The following ETHE1 variants were observed in gnomAD, a reference collection of about 807,000 sequenced individuals.
ETHE1 encodes the protein ETHE1 persulfide dioxygenase.
ETHE1 carries 16 observed loss-of-function variants against 25.7 expected under a neutral mutation model. The observed-to-expected ratio is 0.62, with a 90% CI of 0.42 to 0.95. The LOEUF is 0.95. Ranked by LOEUF, ETHE1 falls within the 40% of genes least tolerant of loss-of-function variation. The pLI is 0.00. For synonymous variants in ETHE1, 139 were observed against 135.9 expected, an observed-to-expected ratio of 1.02 and a Z score of -0.16; for missense variants, 300 against 333.6, an observed-to-expected ratio of 0.90 and a Z score of 0.79.
In ETHE1 at chr19:43,526,291, G is replaced by C; in HGVS notation, c.285C>G (p.Leu95=). 2 of 1,614,204 alleles carry C rather than the reference G, an allele frequency of 1.2e-6. No homozygotes were observed. The highest frequency in any genetic ancestry group is 1.7e-6 in the Non-Finnish European group (2 of 1,180,026). ...ITGSGLLRSL[L]PGCQSVISRL... is the part of the protein sequence containing the mutation. Reference sequence around the variant, plus strand: ...GGGAGATGACAGACTGGCAGCCAGGGAGGAGGGAACGGAGCAGCCCCGAGC... The same window carrying C: ...GGGAGATGACAGACTGGCAGCCAGGCAGGAGGGAACGGAGCAGCCCCGAGC... The change falls in exon 3 of 7, where the codon CTC becomes CTG. Residue 95 remains leucine (L), a synonymous_variant. Coordinates refer to ENST00000292147, the MANE Select transcript of ETHE1 (RefSeq NM_014297.5).
chr19:43,517,732 C>T (rs1002577120), intron 3 of ETHE1, among the ~76,000 whole-genome samples: 3 of 150,920 alleles, frequency 2.0e-5, no homozygotes, highest in Admixed American at 6.6e-5. Flanking sequence ...GCTGAGATCA[C>T]GCCACTGCAC....
chr19:43,524,613 G>A (rs1421730746), intron 3 of ETHE1, among the ~76,000 whole-genome samples: 2 of 152,010 alleles, frequency 1.3e-5, no homozygotes, highest in Non-Finnish European at 2.9e-5. Context: ...TATTAAGCCT[G>A]GGCAACATAG....
rs779399320 is a variant in ETHE1, at chr19:43,527,197, G to A, written c.-20C>T. 4 of 1,534,134 alleles carry A rather than the reference G, an allele frequency of 2.6e-6. No individual in the cohort carries two copies. The highest frequency in any genetic ancestry group is 2.1e-4 in the Middle Eastern group (1 of 4,758). ...CGCCATCGCGCCCACTGCGGGGTCA[G>A]GAATGAGCGGAGGCCGAGCGCCTGC... On this transcript the variant is annotated 5_prime_UTR_variant, in exon 1 of 7. Coordinates refer to ENST00000292147, the MANE Select transcript of ETHE1 (RefSeq NM_014297.5).
intron 3 of ETHE1, among the ~76,000 whole-genome samples, chr19:43,517,509 G>A (rs951166429): frequency 1.2e-4 from 18 of 149,652 alleles, no homozygotes; most frequent in East Asian, 8.1e-4. Context: ...AGCCAGGCAC[G>A]GTGGCTCGCC....
chr19:43,522,405 A>G (rs534354462), intron 3 of ETHE1, among the ~76,000 whole-genome samples: 13 of 152,362 alleles, frequency 8.5e-5, no homozygotes, highest in African/African-American at 2.4e-4. Flanking sequence ...AGCTTGGGCA[A>G]TAGAACAAGA....
chr19:43,506,985 C>A (rs1971784218), intron 6 of ETHE1, 83 bp from the exon 7 acceptor site: 7 of 1,449,116 alleles, frequency 4.8e-6, no homozygotes, highest in Non-Finnish European at 6.7e-6. Flanking sequence ...TCCTAGGAAC[C>A]TTTCCTCTTC....
intron 3 of ETHE1, among the ~76,000 whole-genome samples, chr19:43,515,419 A>T (rs1287221409): frequency 1.4e-5 from 2 of 144,668 alleles, no homozygotes; most frequent in Non-Finnish European, 3.1e-5. Flanking sequence ...CTCCGCCTTA[A>T]AAAAAAAAAA....
intron 1 of ETHE1, 57 bp downstream of exon 1, chr19:43,527,040 C>A: frequency 6.5e-7 from 1 of 1,541,762 alleles, no homozygotes; most frequent in East Asian, 2.4e-5. Context: ...CCCCGGAGTT[C>A]CGTCCTTGCT....
chr19:43,521,814 A>G (rs759863718), intron 3 of ETHE1, among the ~76,000 whole-genome samples: 1 of 152,234 alleles, frequency 6.6e-6, no homozygotes, highest in South Asian at 2.1e-4. Context: ...AGTGACCCAG[A>G]AAATCCAGTC....
intron 3 of ETHE1, among the ~76,000 whole-genome samples, chr19:43,525,218 T>C (rs1467701869): frequency 2.0e-5 from 3 of 152,010 alleles, no homozygotes; most frequent in Non-Finnish European, 4.4e-5. Flanking sequence ...TCAAGACATG[T>C]TTGTTAGCAC....
At chr19:43,509,130 T>C (rs1971854735) in intron 4 of ETHE1, among the ~76,000 whole-genome samples, 1 of 152,138 alleles carries the variant, frequency 6.6e-6, no homozygotes, top group South Asian at 2.1e-4. Flanking sequence ...AGAGTGTCAT[T>C]TGTGACCTTG....
chr19:43,512,758 T>C (rs2145987442), intron 3 of ETHE1, among the ~76,000 whole-genome samples: 1 of 145,664 alleles, frequency 6.9e-6, no homozygotes, highest in South Asian at 2.2e-4. Flanking sequence ...AAAAAACCCA[T>C]TTTCTGAGGA....
intron 3 of ETHE1, among the ~76,000 whole-genome samples, chr19:43,521,180 A>G (rs1463331875): frequency 1.3e-5 from 2 of 151,888 alleles, no homozygotes; most frequent in African/African-American, 2.4e-5. Context: ...AAAAACATAA[A>G]ATTTAGCCAG....
chr19:43,518,751 CAAAAAAAA>C (rs34214132), intron 3 of ETHE1, among the ~76,000 whole-genome samples: 15 of 77,606 alleles, frequency 1.9e-4, no homozygotes, highest in African/African-American at 7.5e-4. Flanking sequence ...ACTCTTGTCT[CAAAAAAAA>C]AAAAAAAAAA....
intron 6 of ETHE1, 115 bp from the exon 7 acceptor site, chr19:43,507,017 T>G (rs985427193): frequency 9.3e-7 from 1 of 1,077,940 alleles, no homozygotes; most frequent in Non-Finnish European, 1.4e-6. Context: ...GTTTTGGTCC[T>G]GAGCCCACTC....
chr19:43,514,969 C>A (rs1443509044), intron 3 of ETHE1, among the ~76,000 whole-genome samples: 10 of 152,222 alleles, frequency 6.6e-5, no homozygotes, highest in Middle Eastern at 3.4e-3. Context: ...CATATACATA[C>A]CACACAGTGG....
chr19:43,526,958 A>C lies in ETHE1; in HGVS notation c.81+139T>G, dbSNP rs1031557899. 32 of 1,524,624 alleles carry C rather than the reference A, an allele frequency of 2.1e-5. No individual in the cohort carries two copies. In the East Asian group the frequency reaches 7.6e-4, roughly 36 times the overall value. The allele number at this position is 1,524,624 out of a possible 1,614,324, so 94.4% of individuals were successfully genotyped here. A position where few individuals can be genotyped will look rare whatever the true frequency, so the allele number is the denominator to read the frequency against. On this transcript the variant is annotated intron_variant, in intron 1 of 6. Transcript: ENST00000292147. The stretch of plus-strand genomic sequence containing the variant: ...TCACCTTTAAAGGACCCAAGAGTCC[A>C]GCCCTAAACCTCCACCCCGCTTTCC...
chr19:43,511,333 C>T, intron 4 of ETHE1, 104 bp downstream of exon 4: 2 of 1,559,018 alleles, frequency 1.3e-6, no homozygotes, highest in Non-Finnish European at 8.8e-7. Flanking sequence ...CTGAAGCCCC[C>T]TAAAAGTCTA....
At position 43,527,183 on chromosome 19, in the gene ETHE1, C is replaced by T; in HGVS notation, c.-6G>A. On this transcript the variant is annotated 5_prime_UTR_variant, in exon 1 of 7. Transcript: ENST00000292147. Reference sequence around the variant, plus strand: ...CTCAGTACAGCCTCCGCCATCGCGCCCACTGCGGGGTCAGGAATGAGCGGA... The same window carrying T: ...CTCAGTACAGCCTCCGCCATCGCGCTCACTGCGGGGTCAGGAATGAGCGGA... The T allele has an allele frequency of 6.5e-7, 1 of 1,536,970 alleles. No individual in the cohort carries two copies. Among genetic ancestry groups the T allele is most frequent in the Non-Finnish European group, 8.7e-7 (1 of 1,146,370 alleles).
Sources: allele counts gnomAD v4.1 joint callset (sites outside exome capture counted in the v4.1 genomes callset), GRCh38; gene constraint gnomAD v4.1.1; transcripts MANE v1.5; gene names NCBI Gene and HGNC (gene_info 2026-07-23, HGNC 2026-07-21).